Variants in RFFL observed in about 807,000 individuals in gnomAD.
RFFL encodes the protein E3 ubiquitin-protein ligase rififylin.
In RFFL, 16 loss-of-function variants were observed where a neutral mutation model predicts 40.4. The observed-to-expected ratio is 0.40, with a 90% CI of 0.27 to 0.60. RFFL has a LOEUF of 0.60. RFFL is among the 20% of genes least tolerant of loss of function. The pLI is 0.47. For synonymous variants in RFFL, 154 were observed against 167.9 expected, an observed-to-expected ratio of 0.92 and a Z score of 0.64; for missense variants, 367 against 451.7, an observed-to-expected ratio of 0.81 and a Z score of 1.70.
upstream of RFFL, among the ~76,000 whole-genome samples, chr17:35,065,141 T>C (rs566904829): frequency 6.6e-6 from 1 of 152,070 alleles, no homozygotes; most frequent in Admixed American, 6.6e-5. Context: ...ATTTCTGTAG[T>C]TGATGATAAG....
At chr17:35,015,784 T>C (rs2090969611) in intron 5 of RFFL, among the ~76,000 whole-genome samples, 1 of 152,220 alleles carries the variant, frequency 6.6e-6, no homozygotes, top group African/African-American at 2.4e-5. Flanking sequence ...CTGCCTTTAA[T>C]ATAAAAATCT....
At chr17:35,066,102 G>A (rs893757653), upstream of RFFL, among the ~76,000 whole-genome samples, 1 of 152,096 alleles carries the variant, frequency 6.6e-6, no homozygotes, top group East Asian at 1.9e-4. Flanking sequence ...CAGCCCAGGC[G>A]ACAGAAGGAG....
chr17:35,072,686 T>C (rs1316554147), intron 1 of RFFL, among the ~76,000 whole-genome samples: 1 of 151,754 alleles, frequency 6.6e-6, no homozygotes, highest in Non-Finnish European at 1.5e-5. Context: ...GACGGGTACA[T>C]GGGAACTGTG....
At chr17:35,024,403 T>C (rs1452488568) in intron 2 of RFFL, among the ~76,000 whole-genome samples, 1 of 152,180 alleles carries the variant, frequency 6.6e-6, no homozygotes, top group Non-Finnish European at 1.5e-5. Context: ...ATCACTTCCA[T>C]GGCTCCAAGC....
At chr17:35,050,605 C>G (rs913313688) in intron 1 of RFFL, among the ~76,000 whole-genome samples, 5 of 151,812 alleles carry the variant, frequency 3.3e-5, no homozygotes, top group South Asian at 2.1e-4. Flanking sequence ...GCGATCCTCC[C>G]GCCTCAGCTT....
intron 1 of RFFL, chr17:35,069,168 G>T (rs889640324): frequency 3.9e-5 from 17 of 438,274 alleles, no homozygotes; most frequent in Non-Finnish European, 7.4e-5. Flanking sequence ...CTCTGAATTC[G>T]TCTCTTCTCC....
intron 3 of RFFL, among the ~76,000 whole-genome samples, chr17:35,019,166 T>C (rs1291610069): frequency 6.6e-6 from 1 of 152,214 alleles, no homozygotes; most frequent in East Asian, 1.9e-4. Context: ...GTTACTTAAT[T>C]CTTCCATGCC....
chr17:35,025,382 T>G (rs527849530), intron 2 of RFFL: 1 of 152,248 alleles, frequency 6.6e-6, no homozygotes, highest in African/African-American at 2.4e-5. Context: ...ATATCTCTCA[T>G]GCTATTTGTC....
At chr17:35,087,301 T>C (rs2091436269) in intron 1 of RFFL, among the ~76,000 whole-genome samples, 1 of 151,514 alleles carries the variant, frequency 6.6e-6, no homozygotes, top group African/African-American at 2.4e-5. Flanking sequence ...CAGTGAGCCA[T>C]GATTACGCCA....
upstream of RFFL, among the ~76,000 whole-genome samples, chr17:35,065,596 A>G (rs2091316944): frequency 6.6e-6 from 1 of 151,858 alleles, no homozygotes; most frequent in Non-Finnish European, 1.5e-5. Flanking sequence ...AAATCCAGAC[A>G]GTACTATGCC....
intron 1 of RFFL, among the ~76,000 whole-genome samples, chr17:35,072,115 T>C (rs866232031): frequency 6.6e-6 from 1 of 151,340 alleles, no homozygotes; most frequent in African/African-American, 2.4e-5. Flanking sequence ...ACCCTGTCTA[T>C]AAAAAAAATA....
chr17:35,087,353 A>G (rs2091436791), intron 1 of RFFL, among the ~76,000 whole-genome samples: 1 of 147,974 alleles, frequency 6.8e-6, no homozygotes, highest in East Asian at 1.9e-4. Flanking sequence ...TCTGTCTCCA[A>G]AAAAAAAAAA....
At chr17:35,041,926 T>C (rs2142346609) in intron 1 of RFFL, among the ~76,000 whole-genome samples, 1 of 152,090 alleles carries the variant, frequency 6.6e-6, no homozygotes, top group African/African-American at 2.4e-5. Flanking sequence ...AAGGGAGAAG[T>C]ATCGCTTGAA....
intron 1 of RFFL, among the ~76,000 whole-genome samples, chr17:35,053,399 G>A (rs988751422): frequency 3.3e-5 from 5 of 152,148 alleles, no homozygotes; most frequent in African/African-American, 1.2e-4. Flanking sequence ...AAAACAGGGA[G>A]GGGCATTTTG....
At chr17:35,077,829 GC>G (rs1238137745) in intron 1 of RFFL, among the ~76,000 whole-genome samples, 1 of 152,110 alleles carries the variant, frequency 6.6e-6, no homozygotes, top group Non-Finnish European at 1.5e-5. Flanking sequence ...TTCCAATGTG[GC>G]CCAGGGAGGC....
At chr17:35,079,360 G>T (rs1165053298) in intron 1 of RFFL, among the ~76,000 whole-genome samples, 1 of 152,162 alleles carries the variant, frequency 6.6e-6, no homozygotes, top group Non-Finnish European at 1.5e-5. Context: ...TAAGGAGAAA[G>T]ATTTCAGTCT....
intron 1 of RFFL, among the ~76,000 whole-genome samples, chr17:35,079,317 C>T (rs2091393113): frequency 6.6e-6 from 1 of 152,216 alleles, no homozygotes; most frequent in South Asian, 2.1e-4. Context: ...AGCCACCGCC[C>T]AACCTGTTTG....
At chr17:35,077,361 T>C (rs919448754) in intron 1 of RFFL, among the ~76,000 whole-genome samples, 1 of 152,204 alleles carries the variant, frequency 6.6e-6, no homozygotes, top group African/African-American at 2.4e-5. Flanking sequence ...GTCAGACTGC[T>C]GGAGGCCCAT....
At chr17:35,082,576 T>C (rs1359049141) in intron 1 of RFFL, among the ~76,000 whole-genome samples, 3 of 152,226 alleles carry the variant, frequency 2.0e-5, no homozygotes, top group African/African-American at 7.2e-5. Context: ...GTCCTCACTC[T>C]TTCATACATT....
Sources: allele counts gnomAD v4.1 joint callset (sites outside exome capture counted in the v4.1 genomes callset), GRCh38; gene constraint gnomAD v4.1.1; transcripts MANE v1.5; gene names NCBI Gene and HGNC (gene_info 2026-07-23, HGNC 2026-07-21).